The following KCNMA1 variants were observed in gnomAD, a reference collection of about 807,000 sequenced individuals.
The protein encoded by KCNMA1 is Calcium-activated potassium channel subunit alpha-1.
Under a neutral mutation model 140.0 loss-of-function variants are expected in KCNMA1, and 29 were observed. The ratio of observed to expected loss-of-function variants is 0.21; its 90% CI spans 0.15 to 0.28. The LOEUF is 0.28. KCNMA1 is among the 10% of genes least tolerant of loss of function. The pLI, the probability that KCNMA1 is intolerant of heterozygous loss-of-function variation, is 1.00. For missense variants in KCNMA1, 880 were observed against 1,602.2 expected (o/e 0.55, Z 7.70); for synonymous variants, 612 against 611.9 (o/e 1.00, Z 0.00).
chr10:77,156,340 T>G (rs1178069730), intron 5 of KCNMA1, among the ~76,000 whole-genome samples: 1 of 152,006 alleles, frequency 6.6e-6, no homozygotes, highest in Non-Finnish European at 1.5e-5. Flanking sequence ...GAGGTAAAAG[T>G]TACAAAGTTT....
intron 1 of KCNMA1, among the ~76,000 whole-genome samples, chr10:77,465,283 G>A (rs2097967414): frequency 6.6e-6 from 1 of 152,174 alleles, no homozygotes; most frequent in South Asian, 2.1e-4. Context: ...GTGCAAAGCT[G>A]GTACCTGCAG....
intron 1 of KCNMA1, chr10:77,634,282 C>T (rs1424427990): frequency 3.0e-6 from 3 of 985,296 alleles, no homozygotes; most frequent in Non-Finnish European, 3.6e-6. Flanking sequence ...GAACACAGTA[C>T]TGGAATGACT....
intron 5 of KCNMA1, among the ~76,000 whole-genome samples, chr10:77,139,652 GAC>G: frequency 6.6e-6 from 1 of 152,160 alleles, no homozygotes; most frequent in Non-Finnish European, 1.5e-5. Flanking sequence ...CCCTCCCTAA[GAC>G]TGACATTTTT....
chr10:77,351,840 C>A (rs2092923310), intron 2 of KCNMA1, among the ~76,000 whole-genome samples: 2 of 152,212 alleles, frequency 1.3e-5, no homozygotes, highest in Non-Finnish European at 2.9e-5. Context: ...ATCCTGATAG[C>A]TTTAAAAGCA....
chr10:77,138,918 C>T (rs539785707), intron 5 of KCNMA1, among the ~76,000 whole-genome samples: 84 of 152,172 alleles, frequency 5.5e-4, no homozygotes, highest in Non-Finnish European at 1.1e-3. Flanking sequence ...CCCAGTCCTT[C>T]GCCGCCATTA....
At chr10:77,593,461 A>G (rs2079847566) in intron 1 of KCNMA1, among the ~76,000 whole-genome samples, 1 of 152,228 alleles carries the variant, frequency 6.6e-6, no homozygotes, top group South Asian at 2.1e-4. Flanking sequence ...GTGGGGTAGT[A>G]ATGGTAGCAG....
intron 5 of KCNMA1, among the ~76,000 whole-genome samples, chr10:77,122,311 C>T (rs1193783390): frequency 6.6e-6 from 1 of 152,144 alleles, no homozygotes; most frequent in Admixed American, 6.5e-5. Context: ...AAAGGATTAA[C>T]CATCATGAAC....
In KCNMA1 at chr10:77,108,421, A is replaced by G. The variant is rs943740000; in HGVS notation, c.1223+60T>C. 1.8e-6 allele frequency: 2 copies of G among 1,129,546 alleles called. No individual in the cohort carries two copies. The highest frequency in any genetic ancestry group is 2.0e-5 in the Admixed American group (1 of 49,420). 70.0% of individuals were successfully genotyped at this position (1,129,546 alleles called of 1,614,324 possible). On this transcript the variant is annotated intron_variant, in intron 9 of 27. Coordinates refer to ENST00000286628, the MANE Select transcript of KCNMA1 (RefSeq NM_001161352.2). The surrounding 1 kb of genome is among the most constrained non-coding windows in gnomAD (Gnocchi z 4.6). ...GAAACAAGAGCCAAAAAAAAAAAAA[A>G]ATGGCATGCAGAGAGGATTCTACCG...
At position 76,886,163 on chromosome 10, in the gene KCNMA1, G is replaced by T; in HGVS notation, c.*1103C>A. ...GGCTCCTAGAAAAGCATGATCTGCA[G>T]CTGGGTTTGTCTTCCTCTCACTCTA... On this transcript the variant is annotated 3_prime_UTR_variant, in exon 28 of 28. Transcript: ENST00000286628. 1 of 985,380 alleles carries T rather than the reference G, an allele frequency of 1.0e-6. No homozygotes were observed. The highest frequency in any genetic ancestry group is 1.2e-6 in the Non-Finnish European group (1 of 829,930). 61.0% of individuals were successfully genotyped at this position (985,380 alleles called of 1,614,324 possible). A position where few individuals can be genotyped will look rare whatever the true frequency, so the allele number is the denominator to read the frequency against.
At chr10:77,165,301 T>C in intron 5 of KCNMA1, among the ~76,000 whole-genome samples, 1 of 152,224 alleles carries the variant, frequency 6.6e-6, no homozygotes, top group East Asian at 1.9e-4. Flanking sequence ...ACAGTACTTC[T>C]GGTTCATAAA....
chr10:77,365,802 T>C (rs759908649), intron 2 of KCNMA1, among the ~76,000 whole-genome samples: 8 of 152,182 alleles, frequency 5.3e-5, no homozygotes, highest in Admixed American at 2.0e-4. Flanking sequence ...ACACCTCTCA[T>C]GGAGATCTCT....
intron 2 of KCNMA1, among the ~76,000 whole-genome samples, chr10:77,298,276 C>A (rs546529324): frequency 6.6e-6 from 1 of 152,114 alleles, no homozygotes; most frequent in Non-Finnish European, 1.5e-5. Flanking sequence ...GAGGTTCACT[C>A]TCAACGCCCA....
In KCNMA1 at chr10:77,240,629, T is replaced by A. The variant is rs142046084; in HGVS notation, c.602+10566A>T. Among the ~76,000 whole-genome samples, 432 of 152,330 alleles carry A rather than the reference T, an allele frequency of 2.8e-3. 3 individuals carry two copies. The highest frequency in any genetic ancestry group is 9.9e-3 in the African/African-American group (412 of 41,576). Reference sequence around the variant, plus strand: ...AAGAGTTTTGGATTTGAGGCCAATATTTTAAAATTGGAGATTCAACATAAA... The same window carrying A: ...AAGAGTTTTGGATTTGAGGCCAATAATTTAAAATTGGAGATTCAACATAAA... On this transcript the variant is annotated intron_variant, in intron 3 of 27. Coordinates refer to ENST00000286628, the MANE Select transcript of KCNMA1 (RefSeq NM_001161352.2).
At chr10:77,037,363 G>A (rs533218332) in intron 15 of KCNMA1, among the ~76,000 whole-genome samples, 15 of 152,222 alleles carry the variant, frequency 9.9e-5, no homozygotes, top group Non-Finnish European at 2.1e-4. Context: ...GTCTTGCATT[G>A]TCACATTAGA....
chr10:77,111,739 C>T (rs891562244), intron 7 of KCNMA1, among the ~76,000 whole-genome samples: 13 of 152,308 alleles, frequency 8.5e-5, no homozygotes, highest in African/African-American at 3.1e-4. Context: ...AGTCTCAGAG[C>T]TAGACGAGGC....
At chr10:77,331,018 G>A (rs886229732) in intron 2 of KCNMA1, among the ~76,000 whole-genome samples, 5 of 152,050 alleles carry the variant, frequency 3.3e-5, no homozygotes, top group African/African-American at 9.7e-5. Flanking sequence ...CCTCTCCAAC[G>A]TACAGAGCCA....
chr10:77,482,991 T>C (rs201684862), intron 1 of KCNMA1, among the ~76,000 whole-genome samples: 76 of 126,834 alleles, frequency 6.0e-4, no homozygotes, highest in African/African-American at 9.2e-4. Flanking sequence ...CTCTCTCACA[T>C]ACACACACAC....
chr10:76,939,993 G>A (rs868380608), intron 23 of KCNMA1, among the ~76,000 whole-genome samples: 1 of 152,216 alleles, frequency 6.6e-6, no homozygotes, highest in South Asian at 2.1e-4. Flanking sequence ...GAAGTGACAG[G>A]CACTCTGTAA....
At chr10:77,429,307 T>A (rs1566795375) in intron 1 of KCNMA1, among the ~76,000 whole-genome samples, 1 of 152,196 alleles carries the variant, frequency 6.6e-6, no homozygotes, top group Non-Finnish European at 1.5e-5. Context: ...GCTAGATGGA[T>A]AAACTTTTTG....
Sources: allele counts gnomAD v4.1 joint callset (sites outside exome capture counted in the v4.1 genomes callset), GRCh38; gene constraint gnomAD v4.1.1; non-coding constraint Gnocchi (gnomAD v3.1); transcripts MANE v1.5; gene names NCBI Gene and HGNC (gene_info 2026-07-23, HGNC 2026-07-21).